Variants in TTN observed in about 807,000 individuals in gnomAD.
TTN encodes titin.
Under a neutral mutation model 3,223.0 loss-of-function variants are expected in TTN, and 1,525 were observed. The observed-to-expected ratio is 0.47, with a 90% CI of 0.45 to 0.49. The LOEUF is 0.49. Among genes scored for constraint, TTN ranks in the 20% least tolerant of loss-of-function variants. The probability of loss-of-function intolerance (pLI) is 0.00; values close to 1 mark genes in which losing one functional copy is unlikely to be tolerated. For synonymous variants in TTN, 14,094 were observed against 15,161.0 expected, an observed-to-expected ratio of 0.93 and a Z score of 5.17; for missense variants, 40,786 against 43,424.0, an observed-to-expected ratio of 0.94 and a Z score of 5.40.
At position 178,601,377 on chromosome 2, in the gene TTN, C is replaced by T; in HGVS notation, c.55620G>A (p.Val18540=). 10 of 1,612,688 alleles carry T rather than the reference C, an allele frequency of 6.2e-6. No individual in the cohort carries two copies. The highest frequency in any genetic ancestry group is 8.5e-6 in the Non-Finnish European group (10 of 1,179,254). The change falls in exon 287 of 363, where the codon GTG becomes GTA. Residue 18540 remains valine (V), a synonymous_variant. Coordinates refer to ENST00000589042, the MANE Select transcript of TTN (RefSeq NM_001267550.2). ...NPDCGSTTFV[V]PDLLSEQQYF... ...ATTGCTGTTCAGAGAGGAGATCAGGCACTACAAATGTGGTGCTTCCACAGT... is the reference window on the plus strand; with the variant it reads ...ATTGCTGTTCAGAGAGGAGATCAGGTACTACAAATGTGGTGCTTCCACAGT...
At chr2:178,580,297 T>C in intron 317 of TTN, 25 bp downstream of exon 317, 1 of 1,606,346 alleles carries the variant, frequency 6.2e-7, no homozygotes, top group Non-Finnish European at 8.5e-7. Flanking sequence ...AAAATATATA[T>C]GATTCTTTTT....
At chr2:178,599,888 AG>A (rs772545367) in intron 288 of TTN, 38 bp from the exon 289 acceptor site, 1 of 1,513,374 alleles carries the variant, frequency 6.6e-7, no homozygotes, top group Non-Finnish European at 8.8e-7. Flanking sequence ...AGGAGCAAAA[AG>A]CATTGAGGGA....
chr2:178,758,051 ATGTC>A (rs2087846447), intron 44 of TTN, 135 bp from the exon 45 acceptor site: 1 of 948,630 alleles, frequency 1.1e-6, no homozygotes, highest in Non-Finnish European at 1.5e-6. Flanking sequence ...TTGTCCTTGT[ATGTC>A]ACTATTGACT....
Position 178,557,152 on chromosome 2 carries a change from A to G in TTN, c.88010-8T>C. 1 of 1,613,132 alleles carries G rather than the reference A, an allele frequency of 6.2e-7. No individual in the cohort carries two copies. The highest frequency in any genetic ancestry group is 1.7e-4 in the Middle Eastern group (1 of 6,058). On this transcript the variant is annotated splice_polypyrimidine_tract_variant and splice_region_variant and intron_variant, in intron 329 of 362. Transcript: ENST00000589042. ...GAACATTTCTTGGGGGTTCTGTGGT[A>G]ATAAGAGAAGCAGATTAGCGGCACT...
At position 178,571,447 on chromosome 2, in the gene TTN, G is replaced by A. The variant is rs1251047409; in HGVS notation, c.74685C>T (p.Leu24895=). 6.2e-7 allele frequency: 1 copy of A among 1,613,448 alleles called. No homozygotes were observed. Among genetic ancestry groups the A allele is most frequent in the Non-Finnish European group, 8.5e-7 (1 of 1,179,598 alleles). ...AENRYGKSTY[L]NSEPTVAQYP... is the part of the protein sequence containing the mutation. ...ATTGGGCTACAGTAGGCTCTGAATT[G>A]AGGTAGGTACTCTTCCCATATCTGT... Residue 24895 remains leucine (L), a synonymous_variant, in exon 326 of 363, where the codon CTC becomes CTT. Transcript: ENST00000589042.
At chr2:178,747,107 G>T in intron 47 of TTN, 3 of 1,609,814 alleles carry the variant, frequency 1.9e-6, no homozygotes, top group South Asian at 1.1e-5. Context: ...CTCTCCTGGG[G>T]GTGTGGAGTA....
intron 281 of TTN, 137 bp downstream of exon 281, chr2:178,604,571 A>C: frequency 2.0e-6 from 2 of 1,003,374 alleles, no homozygotes; most frequent in South Asian, 3.7e-5. Flanking sequence ...GTGGGGCTAA[A>C]CACTACAATA....
At chr2:178,727,047 G>A in intron 69 of TTN, 43 bp downstream of exon 69, 1 of 1,410,002 alleles carries the variant, frequency 7.1e-7, no homozygotes, top group Non-Finnish European at 9.3e-7. Flanking sequence ...CAGGGGAGAA[G>A]GTGGTTTTCA....
At position 178,551,909 on chromosome 2, in the gene TTN, G is replaced by A. The variant is rs75022916; in HGVS notation, c.90991C>T (p.Pro30331Ser). The change falls in exon 335 of 363, where the codon CCA (proline) becomes TCA (serine). Residue 30331 changes from proline (P) to serine (S), a missense_variant. Coordinates refer to ENST00000589042, the MANE Select transcript of TTN (RefSeq NM_001267550.2). ...TCAGAAGTCACATTGTATATAACTGGCTTTCCTGGGGGACCAGGAATCCTG... is the reference window on the plus strand; with the variant it reads ...TCAGAAGTCACATTGTATATAACTGACTTTCCTGGGGGACCAGGAATCCTG... Reference protein sequence around the residue: ...QFRIPGPPGKPVIYNVTSDGM... With the variant: ...QFRIPGPPGKSVIYNVTSDGM... The A allele has an allele frequency of 4.3e-5, 70 of 1,613,694 alleles. No homozygotes were observed. The African/African-American group carries it at 8.7e-4, about 20-fold the overall frequency.
At position 178,663,859 on chromosome 2, in the gene TTN, G is replaced by A; in HGVS notation, c.36408C>T (p.Pro12136=). The A allele has an allele frequency of 2.5e-6, 4 of 1,613,012 alleles. No homozygotes were observed. The highest frequency in any genetic ancestry group is 3.4e-6 in the Non-Finnish European group (4 of 1,179,712). The stretch of plus-strand genomic sequence containing the variant: ...CTTCAGGCTCTTTAGGAGGAGCCAA[G>A]GGCACTTTCTCTTCGCGGATAACCT... ...SKEVIREEKV[P]LAPPKEPEVP... Residue 12136 remains proline (P), a synonymous_variant, in exon 170 of 363, where the codon CCC becomes CCT. Coordinates refer to ENST00000589042, the MANE Select transcript of TTN (RefSeq NM_001267550.2).
chr2:178,735,923 C>T lies in TTN; in HGVS notation c.14523G>A (p.Trp4841Ter), dbSNP rs1396432500. 1 of 1,613,862 alleles carries T rather than the reference C, an allele frequency of 6.2e-7. No individual in the cohort carries two copies. Among genetic ancestry groups the T allele is most frequent in the Non-Finnish European group, 8.5e-7 (1 of 1,179,830 alleles). ...DGAALSPSPN[W>*]RISDAENKHI... The stretch of plus-strand genomic sequence containing the variant: ...GTTTGTTTTCTGCGTCGGAAATCCT[C>T]CAGTTAGGTGAAGGTGAGAGTGCAG... The change falls in exon 50 of 363, where the codon TGG (tryptophan) becomes TGA (stop). Residue 4841 changes from tryptophan (W) to a stop codon, truncating the protein, a stop_gained. Transcript: ENST00000589042. LOFTEE classifies it high-confidence loss of function.
Position 178,635,302 on chromosome 2 carries a change from G to C in TTN, c.41887C>G (p.Arg13963Gly). The C allele has an allele frequency of 6.2e-7, 1 of 1,612,908 alleles. No homozygotes were observed. The highest frequency in any genetic ancestry group is 8.5e-7 in the Non-Finnish European group (1 of 1,179,446). The change falls in exon 228 of 363, where the codon CGT (arginine) becomes GGT (glycine). Residue 13963 changes from arginine to glycine, a missense_variant and splice_region_variant. Transcript: ENST00000589042. ...RYPAKLTLGE[R>G]EVELLKPIED... ...ATTGGTTTAAGCAGTTCAACTTCACGCTCTGTATTGGTCAGGGATGAAGTA... is the reference window on the plus strand; with the variant it reads ...ATTGGTTTAAGCAGTTCAACTTCACCCTCTGTATTGGTCAGGGATGAAGTA...
At position 178,557,981 on chromosome 2, in the gene TTN, T is replaced by C. The variant is rs1433625453; in HGVS notation, c.87373A>G (p.Thr29125Ala). Reference protein sequence around the residue: ...YEITAANSSGTTKAFINIVVL... With the variant: ...YEITAANSSGATKAFINIVVL... Reference sequence around the variant, plus strand: ...ACAATGTTAATGAAAGCTTTGGTTGTACCACTGGAGTTGGCAGCAGTGATT... The same window carrying C: ...ACAATGTTAATGAAAGCTTTGGTTGCACCACTGGAGTTGGCAGCAGTGATT... The change falls in exon 328 of 363, where the codon ACA (threonine) becomes GCA (alanine). Residue 29125 changes from threonine (T) to alanine (A), a missense_variant. By Grantham distance (58) the Thr-to-Ala change is moderately conservative (BLOSUM62 0). Coordinates refer to ENST00000589042, the MANE Select transcript of TTN (RefSeq NM_001267550.2). 6.2e-7 allele frequency: 1 copy of C among 1,613,526 alleles called. No individual in the cohort carries two copies. Among genetic ancestry groups the C allele is most frequent in the Non-Finnish European group, 8.5e-7 (1 of 1,179,860 alleles).
Position 178,621,585 on chromosome 2 carries a change from G to A in TTN, c.45239C>T (p.Thr15080Ile). ...IIETGRYEIL[T>I]EGRKRILVIQ... ...GACCAGGATTCTCTTCCGTCCTTCA[G>A]TCAGTATTTCATATCTTCCTGTTTC... is the stretch of plus-strand genomic sequence containing the variant. Residue 15080 changes from threonine (T) to isoleucine (I), a missense_variant, in exon 245 of 363, where the codon ACT becomes ATT. Physicochemically the swap from Thr to Ile is moderately conservative, Grantham distance 89. Coordinates refer to ENST00000589042, the MANE Select transcript of TTN (RefSeq NM_001267550.2). The A allele has an allele frequency of 6.2e-7, 1 of 1,612,520 alleles. No individual in the cohort carries two copies. Among genetic ancestry groups the A allele is most frequent in the Non-Finnish European group, 8.5e-7 (1 of 1,179,098 alleles).
At chr2:178,605,820 TA>T in intron 278 of TTN, 107 bp from the exon 279 acceptor site, 1 of 998,484 alleles carries the variant, frequency 1.0e-6, no homozygotes, top group Non-Finnish European at 1.3e-6. Flanking sequence ...CTGTTTGGCA[TA>T]ACCTTACATC....
Position 178,589,588 on chromosome 2 carries a change from C to T in TTN, c.62137G>A (p.Asp20713Asn), listed in dbSNP as rs1177521349. Reference protein sequence around the residue: ...YHVERRLKGSDDWERVHKGSI... With the variant: ...YHVERRLKGSNDWERVHKGSI... ...CCTTTATGCACTCTTTCCCAGTCAT[C>T]GGAGCCCTTAAGCCTTCTCTCAACA... Residue 20713 changes from aspartate to asparagine, a missense_variant, in exon 304 of 363, where the codon GAT becomes AAT. By Grantham distance (23) the Asp-to-Asn change is conservative. Coordinates refer to ENST00000589042, the MANE Select transcript of TTN (RefSeq NM_001267550.2). 1.4e-5 allele frequency: 23 copies of T among 1,613,242 alleles called. No homozygotes were observed. Among genetic ancestry groups the T allele is most frequent in the Admixed American group, 5.0e-5 (3 of 59,956 alleles).
chr2:178,580,403 T>G lies in TTN; in HGVS notation c.66976A>C (p.Lys22326Gln). 6.2e-7 allele frequency: 1 copy of G among 1,613,316 alleles called. No individual in the cohort carries two copies. Among genetic ancestry groups the G allele is most frequent in the Non-Finnish European group, 8.5e-7 (1 of 1,179,468 alleles). ...AAGATATATTTTCCTGCATCATATTTGTTCACATTTTCACAGCGCAAGAAA... is the reference window on the plus strand; with the variant it reads ...AAGATATATTTTCCTGCATCATATTGGTTCACATTTTCACAGCGCAAGAAA... ...DTFLRCENVN[K>Q]YDAGKYILTL... The change falls in exon 317 of 363, where the codon AAA becomes CAA. Residue 22326 changes from lysine (K) to glutamine (Q), a missense_variant. By Grantham distance (53) the Lys-to-Gln change is moderately conservative. Transcript: ENST00000589042.
rs56027402 is a variant in TTN, at chr2:178,542,910, G to T, written c.96944C>A (p.Thr32315Asn). 3.7e-6 allele frequency: 6 copies of T among 1,611,894 alleles called. No individual in the cohort carries two copies. In the South Asian group the frequency reaches 5.5e-5, roughly 15 times the overall value. The change falls in exon 348 of 363, where the codon ACC (threonine) becomes AAC (asparagine). Residue 32315 changes from threonine to asparagine, a missense_variant. Thr to Asn is a moderately conservative substitution (Grantham distance 65, BLOSUM62 0). Coordinates refer to ENST00000589042, the MANE Select transcript of TTN (RefSeq NM_001267550.2). ...TGGTCTGCCAGCTGGGACATGGATG[G>T]TCTTCTGAGGCATTGTAGAAAGATC... ...TIDLSTMPQKTIHVPAGRPVE... is the reference protein window; with the variant it reads ...TIDLSTMPQKNIHVPAGRPVE...
At position 178,734,952 on chromosome 2, in the gene TTN, T is replaced by A. The variant is rs1422915877; in HGVS notation, c.14972A>T (p.Tyr4991Phe). 2 of 1,603,774 alleles carry A rather than the reference T, an allele frequency of 1.2e-6. No homozygotes were observed. Among genetic ancestry groups the A allele is most frequent in the Non-Finnish European group, 1.7e-6 (2 of 1,174,072 alleles). The change falls in exon 51 of 363, where the codon TAT becomes TTT. Residue 4991 changes from tyrosine to phenylalanine, a missense_variant. Coordinates refer to ENST00000589042, the MANE Select transcript of TTN (RefSeq NM_001267550.2). ...TGCTGATTCACCTGGGAGCATTAAA[T>A]AAGAGGGATCCACCTTCTTCACGAA... ...PSFVKKVDPS[Y>F]LMLPGESARL...
Sources: allele counts gnomAD v4.1 joint callset, GRCh38; gene constraint gnomAD v4.1.1; transcripts MANE v1.5; gene names NCBI Gene and HGNC (gene_info 2026-07-23, HGNC 2026-07-21).